CLIP2: variants seen among roughly 807,000 people sequenced by gnomAD.
The protein encoded by CLIP2 is CAP-Gly domain-containing linker protein 2.
In CLIP2, 41 loss-of-function variants were observed where a neutral mutation model predicts 111.7. That is an observed-to-expected ratio of 0.37 (90% CI 0.29 to 0.48). The LOEUF is 0.48. Ranked by LOEUF, CLIP2 falls within the 20% of genes least tolerant of loss-of-function variation. The pLI is 0.99. For synonymous variants in CLIP2, 660 were observed against 644.2 expected (o/e 1.02, Z -0.37); for missense variants, 1,160 against 1,422.1 (o/e 0.82, Z 2.96).
chr7:74,317,189 G>A (rs945189863), intron 1 of CLIP2, among the ~76,000 whole-genome samples: 2 of 152,146 alleles, frequency 1.3e-5, no homozygotes, highest in Non-Finnish European at 2.9e-5. Flanking sequence ...GCTAGATGAC[G>A]GCCTGGTGTG....
At chr7:74,345,887 A>ATATTTAGGTTCAG (rs1173432235) in intron 3 of CLIP2, among the ~76,000 whole-genome samples, 1 of 152,130 alleles carries the variant, frequency 6.6e-6, no homozygotes. Context: ...GAAGAAAGAA[A>ATATTTAGGTTCAG]TATTTAGGTT....
At chr7:74,347,752 TATGAATATTCATGAGC>T (rs1244124995) in intron 3 of CLIP2, among the ~76,000 whole-genome samples, 5 of 152,198 alleles carry the variant, frequency 3.3e-5, no homozygotes, top group African/African-American at 7.2e-5. Context: ...AATATGTGAC[TATGAATATTCATGAGC>T]ATGAATATTC....
In CLIP2 at chr7:74,389,249, C is replaced by G. The variant is rs782683129; in HGVS notation, c.2710C>G (p.Arg904Gly). 2.5e-6 allele frequency: 4 copies of G among 1,598,840 alleles called. No homozygotes were observed. The highest frequency in any genetic ancestry group is 3.4e-6 in the Non-Finnish European group (4 of 1,173,542). ...QLVLISQELL[R>G]KERSLNELRV... ...AGTCCTCATCAGCCAGGAGCTGCTG[C>G]GGAAGGAGCGGTGAGGCGGCCGTGG... Residue 904 changes from arginine to glycine, a missense_variant, in exon 13 of 17, where the codon CGG becomes GGG. This residue lies in a region of CLIP2 where 676 missense variants were observed against 777.8 expected (regional missense o/e 0.87). Coordinates refer to ENST00000223398, the MANE Select transcript of CLIP2 (RefSeq NM_003388.5).
intron 2 of CLIP2, among the ~76,000 whole-genome samples, chr7:74,337,760 T>C (rs1554732398): frequency 1.3e-5 from 2 of 152,046 alleles, no homozygotes. Context: ...CACACCTGGC[T>C]AATTATTTTA....
Position 74,353,947 on chromosome 7 carries a change from G to A in CLIP2, c.746G>A (p.Cys249Tyr). 1 of 1,614,200 alleles carries A rather than the reference G, an allele frequency of 6.2e-7. No individual in the cohort carries two copies. Among genetic ancestry groups the A allele is most frequent in the Non-Finnish European group, 8.5e-7 (1 of 1,180,024 alleles). The change falls in exon 4 of 17, where the codon TGT becomes TAT. Residue 249 changes from cysteine to tyrosine, a missense_variant. By Grantham distance (194) the Cys-to-Tyr change is radical. Around this residue, in one of 5 missense-constraint regions of CLIP2, gnomAD observed 110 missense variants for 185.2 expected, o/e 0.59. Transcript: ENST00000223398. ...GETDFAKGEWCGVELDEPLGK... is the reference protein window; with the variant it reads ...GETDFAKGEWYGVELDEPLGK... ...ACAGACTTTGCCAAGGGCGAGTGGTGTGGCGTGGAGCTGGACGAGCCCCTT... is the reference window on the plus strand; with the variant it reads ...ACAGACTTTGCCAAGGGCGAGTGGTATGGCGTGGAGCTGGACGAGCCCCTT...
intron 2 of CLIP2, among the ~76,000 whole-genome samples, chr7:74,329,074 ATT>A (rs1212097761): frequency 8.0e-6 from 1 of 125,022 alleles, no homozygotes; most frequent in Non-Finnish European, 1.7e-5. Flanking sequence ...TGCCTGGCTA[ATT>A]TTTTTTTTTG....
At chr7:74,322,231 TC>T (rs1407243942) in intron 2 of CLIP2, among the ~76,000 whole-genome samples, 1 of 151,302 alleles carries the variant, frequency 6.6e-6, no homozygotes, top group African/African-American at 2.4e-5. Flanking sequence ...CCTCAAGTGA[TC>T]CACTGGCCTC....
At chr7:74,386,441 C>T (rs1791102119) in intron 11 of CLIP2, 80 bp from the exon 12 acceptor site, 2 of 1,144,680 alleles carry the variant, frequency 1.7e-6, no homozygotes, top group Non-Finnish European at 2.5e-6. Flanking sequence ...CACAGAGCTC[C>T]TGTGGGAGGG....
intron 2 of CLIP2, among the ~76,000 whole-genome samples, chr7:74,321,164 T>G (rs1423616271): frequency 1.3e-5 from 2 of 152,126 alleles, no homozygotes; most frequent in African/African-American, 2.4e-5. Flanking sequence ...GAACATGGAG[T>G]GCCTGCAGGT....
At chr7:74,304,587 A>G (rs1788425816) in intron 1 of CLIP2, among the ~76,000 whole-genome samples, 2 of 151,292 alleles carry the variant, frequency 1.3e-5, no homozygotes, top group South Asian at 4.2e-4. Context: ...GAAATCTGTT[A>G]GATATTCAAA....
intron 3 of CLIP2, among the ~76,000 whole-genome samples, chr7:74,342,903 C>T (rs935456605): frequency 9.2e-5 from 14 of 151,906 alleles, no homozygotes; most frequent in Non-Finnish European, 1.8e-4. Flanking sequence ...GGTGCAGTGG[C>T]GGGAGCCTGT....
chr7:74,368,618 G>A (rs1193287321), intron 8 of CLIP2, among the ~76,000 whole-genome samples: 4 of 151,906 alleles, frequency 2.6e-5, no homozygotes, highest in African/African-American at 7.3e-5. Context: ...ATGCACATCC[G>A]CACAGCTGCT....
At chr7:74,375,064 A>G (rs1278272528) in intron 9 of CLIP2, among the ~76,000 whole-genome samples, 1 of 152,206 alleles carries the variant, frequency 6.6e-6, no homozygotes, top group African/African-American at 2.4e-5. Flanking sequence ...TTAACAAAAA[A>G]AAAATTTCTT....
intron 16 of CLIP2, among the ~76,000 whole-genome samples, chr7:74,401,960 A>T (rs79755135): frequency 6.9e-6 from 1 of 145,562 alleles, no homozygotes; most frequent in Non-Finnish European, 1.5e-5. Flanking sequence ...TCTCTCTATT[A>T]AAAAAAAAAA....
At chr7:74,290,262 C>T (rs1185973304) in intron 1 of CLIP2, among the ~76,000 whole-genome samples, 4 of 152,210 alleles carry the variant, frequency 2.6e-5, no homozygotes, top group Non-Finnish European at 5.9e-5. Context: ...GTCGCCTGGC[C>T]GATGGCCTTT....
chr7:74,372,785 A>C, intron 8 of CLIP2, 147 bp from the exon 9 acceptor site: 6 of 608,888 alleles, frequency 9.9e-6, no homozygotes, highest in Admixed American at 2.7e-5. Flanking sequence ...TGGCTCATGA[A>C]TCTACTCTCC....
intron 1 of CLIP2, among the ~76,000 whole-genome samples, chr7:74,304,280 A>G (rs1328243974): frequency 6.6e-6 from 1 of 151,954 alleles, no homozygotes; most frequent in Admixed American, 6.6e-5. Flanking sequence ...TAATCCCAGC[A>G]CTTTGGGAGG....
At chr7:74,370,638 T>TCACACCCCTGCCC (rs1790592308) in intron 8 of CLIP2, among the ~76,000 whole-genome samples, 1 of 100,472 alleles carries the variant, frequency 1.0e-5, no homozygotes, top group East Asian at 3.2e-4. Context: ...CAGCCCTGTC[T>TCACACCCCTGCCC]CACACCCCTG....
Position 74,357,694 on chromosome 7 carries a change from C to T in CLIP2, c.1215+217C>T, listed in dbSNP as rs868990486. 4.1e-4 allele frequency among the ~76,000 whole-genome samples: 62 copies of T among 152,142 alleles called. 1 individual carries two copies. The Middle Eastern group carries it at 0.014, about 34-fold the overall frequency. The stretch of plus-strand genomic sequence containing the variant: ...GTATAAGGATACATACACCTACTTT[C>T]AGAATCTGGTTACAAGCTTGTATAT... On this transcript the variant is annotated intron_variant, in intron 6 of 16. Coordinates refer to ENST00000223398, the MANE Select transcript of CLIP2 (RefSeq NM_003388.5).
Sources: allele counts gnomAD v4.1 joint callset (sites outside exome capture counted in the v4.1 genomes callset), GRCh38; gene constraint gnomAD v4.1.1; regional missense constraint gnomAD v4.1.1; transcripts MANE v1.5; gene names NCBI Gene and HGNC (gene_info 2026-07-23, HGNC 2026-07-21).